CNOT1: variants seen among roughly 807,000 people sequenced by gnomAD.
The protein encoded by CNOT1 is CCR4-associated factor 1.
In CNOT1, 15 loss-of-function variants were observed where a neutral mutation model predicts 273.8. That is an observed-to-expected ratio of 0.05 (90% CI 0.04 to 0.08). The LOEUF (loss-of-function observed/expected upper bound fraction) is 0.08. Among genes scored for constraint, CNOT1 ranks in the 10% least tolerant of loss-of-function variants. The probability of loss-of-function intolerance (pLI) is 1.00; values close to 1 mark genes in which losing one functional copy is unlikely to be tolerated. For synonymous variants in CNOT1, 1,022 were observed against 1,005.5 expected (o/e 1.02, Z -0.31); for missense variants, 1,644 against 2,912.2 (o/e 0.56, Z 10.02).
chr16:58,537,498 T>G (rs755001376), intron 38 of CNOT1, among the ~76,000 whole-genome samples: 16 of 152,264 alleles, frequency 1.1e-4, no homozygotes, highest in Non-Finnish European at 1.8e-4. Context: ...ATTCACTGTT[T>G]GCCTACTATG....
At chr16:58,528,443 ATAAGTTTTCC>A (rs1567386664) in intron 44 of CNOT1, 22 bp downstream of exon 44, 1 of 1,521,428 alleles carries the variant, frequency 6.6e-7, no homozygotes, top group Non-Finnish European at 9.1e-7. Context: ...ATATTAAGAC[ATAAGTTTTCC>A]TTTAACTAGT....
At chr16:58,555,137 G>T in intron 21 of CNOT1, 114 bp downstream of exon 21, 1 of 1,455,104 alleles carries the variant, frequency 6.9e-7, no homozygotes, top group Non-Finnish European at 9.2e-7. Context: ...GAGCCCGCAA[G>T]GTCAAGGCTG....
chr16:58,545,098 G>C (rs931422307), intron 30 of CNOT1, among the ~76,000 whole-genome samples: 9 of 152,228 alleles, frequency 5.9e-5, no homozygotes, highest in African/African-American at 1.9e-4. Context: ...CCTGGAGATT[G>C]TGATTTTATT....
chr16:58,606,339 G>A (rs2042673968), intron 1 of CNOT1, among the ~76,000 whole-genome samples: 1 of 152,030 alleles, frequency 6.6e-6, no homozygotes, highest in Non-Finnish European at 1.5e-5. Context: ...AAGATCGCCT[G>A]AGCCCAGGAG....
intron 19 of CNOT1, 43 bp from the exon 20 acceptor site, chr16:58,555,951 C>T: frequency 6.2e-7 from 1 of 1,600,254 alleles, no homozygotes; most frequent in Non-Finnish European, 8.5e-7. Context: ...TTAAGCCCTT[C>T]CTCCACTTCC....
intron 33 of CNOT1, among the ~76,000 whole-genome samples, chr16:58,541,851 T>C (rs966893703): frequency 1.3e-5 from 2 of 152,234 alleles, no homozygotes; most frequent in African/African-American, 4.8e-5. Context: ...GAGTTTCTCT[T>C]GGAAAATGCC....
intron 46 of CNOT1, among the ~76,000 whole-genome samples, chr16:58,524,251 A>G (rs939485479): frequency 2.7e-5 from 4 of 147,052 alleles, no homozygotes; most frequent in Non-Finnish European, 4.5e-5. Flanking sequence ...CTCTATCGCA[A>G]AAAAAAAAAA....
At chr16:58,622,595 C>A (rs60387986) in intron 1 of CNOT1, among the ~76,000 whole-genome samples, 6,579 of 151,992 alleles carry the variant, frequency 0.043, 417 homozygotes, top group East Asian at 0.26. Flanking sequence ...GCCTATAATC[C>A]CAACACTTTG....
Position 58,545,479 on chromosome 16 carries a change from G to A in CNOT1, c.4019C>T (p.Thr1340Ile), listed in dbSNP as rs141705349. ...TGTACAAGTGGTGTTGGTAGCTGGT[G>A]TAGTAGAAGTTGCTAAATGTCAAGT... is the stretch of plus-strand genomic sequence containing the variant. ...PPITTTTTST[T>I]PATNTTCTAT... The change falls in exon 30 of 49, where the codon ACA becomes ATA. Residue 1340 changes from threonine to isoleucine, a missense_variant. Thr to Ile is a moderately conservative substitution (Grantham distance 89). This residue lies in a region of CNOT1 where 52 missense variants were observed against 50.2 expected (regional missense o/e 1.04). Transcript: ENST00000317147. 3.1e-6 allele frequency: 5 copies of A among 1,613,978 alleles called. No homozygotes were observed. Among genetic ancestry groups the A allele is most frequent in the East Asian group, 2.2e-5 (1 of 44,884 alleles).
intron 31 of CNOT1, among the ~76,000 whole-genome samples, chr16:58,542,960 G>A (rs2040139873): frequency 6.6e-6 from 1 of 152,276 alleles, no homozygotes; most frequent in East Asian, 1.9e-4. Flanking sequence ...GGGCGTGGTA[G>A]CACATGCCTG....
chr16:58,616,704 A>G (rs2043097199), intron 1 of CNOT1, among the ~76,000 whole-genome samples: 1 of 152,066 alleles, frequency 6.6e-6, no homozygotes, highest in African/African-American at 2.4e-5. Flanking sequence ...TGATTATTTT[A>G]TATATTACTA....
intron 39 of CNOT1, among the ~76,000 whole-genome samples, chr16:58,534,986 AAC>A (rs1408327750): frequency 3.9e-5 from 6 of 152,260 alleles, no homozygotes; most frequent in Non-Finnish European, 7.3e-5. Context: ...TAATGTGGGA[AAC>A]ACAAGTTTAT....
rs2039547898 is a variant in CNOT1 at position 58,525,300 on chromosome 16, A to G, written c.6663T>C (p.Tyr2221=). The part of the protein sequence containing the change: ...NLQLINALVL[Y]VGTQAIAHIH... ...TGTGCGCAATGGCCTGAGTCCCGAC[A>G]TAGAGCACCAGTGCATTGATGAGCT... Residue 2221 remains tyrosine, a synonymous_variant, in exon 46 of 49, where the codon TAT becomes TAC. Coordinates refer to ENST00000317147, the MANE Select transcript of CNOT1 (RefSeq NM_016284.5). The G allele has an allele frequency of 6.2e-7, 1 of 1,613,928 alleles. No individual in the cohort carries two copies. The highest frequency in any genetic ancestry group is 8.5e-7 in the Non-Finnish European group (1 of 1,180,046).
At chr16:58,553,895 C>A in intron 21 of CNOT1, 35 bp from the exon 22 acceptor site, 1 of 1,585,410 alleles carries the variant, frequency 6.3e-7, no homozygotes, top group South Asian at 1.2e-5. Flanking sequence ...CATTTCATGT[C>A]AGAACAGAAG....
intron 16 of CNOT1, among the ~76,000 whole-genome samples, chr16:58,573,254 C>T (rs1421751196): frequency 2.7e-5 from 4 of 149,384 alleles, no homozygotes; most frequent in South Asian, 2.1e-4. Context: ...TGCAGTGAGC[C>T]GAGATCATGC....
chr16:58,551,342 T>A (rs1159884696), intron 23 of CNOT1, 70 bp from the exon 24 acceptor site: 3 of 1,440,546 alleles, frequency 2.1e-6, no homozygotes, highest in African/African-American at 2.9e-5. Flanking sequence ...TCCAATAATG[T>A]ATACAGATTT....
intron 1 of CNOT1, among the ~76,000 whole-genome samples, chr16:58,608,895 A>G (rs919865102): frequency 2.0e-5 from 3 of 152,220 alleles, no homozygotes; most frequent in Non-Finnish European, 4.4e-5. Flanking sequence ...GTTCTCACTC[A>G]TAAGTGGGAG....
At chr16:58,573,766 C>T (rs2041366965) in intron 16 of CNOT1, among the ~76,000 whole-genome samples, 1 of 151,912 alleles carries the variant, frequency 6.6e-6, no homozygotes, top group Non-Finnish European at 1.5e-5. Context: ...CAGGCATGAG[C>T]CACCGCACCC....
chr16:58,554,207 T>TA (rs553508124), intron 21 of CNOT1, among the ~76,000 whole-genome samples: 13,341 of 145,092 alleles, frequency 0.092, 1,617 homozygotes, highest in African/African-American at 0.28. Context: ...TACACAGCTG[T>TA]AAAAAAAAAA....
Sources: gnomAD v4.1 joint callset for allele counts (sites outside exome capture counted in the v4.1 genomes callset) on GRCh38, gnomAD v4.1.1 for gene constraint, gnomAD v4.1.1 regional missense constraint, MANE v1.5 for transcripts, NCBI Gene and HGNC (gene_info 2026-07-23, HGNC 2026-07-21) for gene names.